The following CHM variants were observed in gnomAD, a reference collection of about 807,000 sequenced individuals.
CHM encodes CHM Rab escort protein.
Under a neutral mutation model 49.0 loss-of-function variants are expected in CHM, and 10 were observed. The ratio of observed to expected loss-of-function variants is 0.20; its 90% CI spans 0.13 to 0.35. The LOEUF (loss-of-function observed/expected upper bound fraction) is 0.35. CHM is among the 10% of genes least tolerant of loss of function. The pLI is 1.00. For missense variants in CHM, 455 were observed against 478.4 expected, an observed-to-expected ratio of 0.95 and a Z score of 0.46; for synonymous variants, 184 against 167.5, an observed-to-expected ratio of 1.10 and a Z score of -0.76.
In CHM at chrX:86,047,501, A is replaced by T. The variant is rs748322209; in HGVS notation, c.32T>A (p.Val11Glu). Residue 11 changes from valine to glutamate, a missense_variant, in exon 1 of 15, where the codon GTG becomes GAG. Physicochemically the swap from Val to Glu is moderately radical, Grantham distance 121 (BLOSUM62 -2). Coordinates refer to ENST00000357749, the MANE Select transcript of CHM (RefSeq NM_000390.4). ...ACACATACCCGTCCCTATTACGATC[A>T]CATCAAACTCCGAAGGGAGAGTATC... MADTLPSEFD[V>E]IVIGTGLPES... 8.3e-7 allele frequency: 1 copy of T among 1,207,136 alleles called. No homozygotes were observed. Among genetic ancestry groups the T allele is most frequent in the Non-Finnish European group, 1.1e-6 (1 of 893,279 alleles).
intron 1 of CHM, among the ~76,000 whole-genome samples, chrX:86,046,295 C>T (rs1934651330): frequency 8.9e-6 from 1 of 111,999 alleles, no homozygotes; most frequent in Non-Finnish European, 1.9e-5. Context: ...GGAAATTTAC[C>T]AGCTGTGTGA....
At chrX:85,985,444 G>A (rs1036776806) in intron 2 of CHM, among the ~76,000 whole-genome samples, 6 of 112,347 alleles carry the variant, frequency 5.3e-5, no homozygotes, top group Non-Finnish European at 7.5e-5. Flanking sequence ...GGAGGGGTGG[G>A]CCACCATCTT....
intron 4 of CHM, chrX:85,969,009 G>A: frequency 2.0e-6 from 1 of 492,634 alleles, no homozygotes; most frequent in South Asian, 1.0e-4. Flanking sequence ...TAAATTAGAA[G>A]TATTAGTGTT....
intron 9 of CHM, among the ~76,000 whole-genome samples, chrX:85,907,914 A>G (rs780170517): frequency 1.8e-5 from 2 of 111,928 alleles, no homozygotes; most frequent in South Asian, 7.6e-4. Context: ...TTTCTTATAG[A>G]GAACTTATAA....
At chrX:85,964,198 A>G (rs1271380456) in intron 4 of CHM, 146 bp from the exon 5 acceptor site, 1 of 530,008 alleles carries the variant, frequency 1.9e-6, no homozygotes, top group African/African-American at 2.4e-5. Flanking sequence ...AACAAAATTA[A>G]GATTTGAAAG....
chrX:86,042,230 C>A (rs962207351), intron 1 of CHM, among the ~76,000 whole-genome samples: 2 of 111,261 alleles, frequency 1.8e-5, no homozygotes, highest in African/African-American at 6.5e-5. Flanking sequence ...CTTAAGTGAC[C>A]TTTTCTGAAA....
At chrX:85,905,621 A>G (rs1603246216) in intron 9 of CHM, among the ~76,000 whole-genome samples, 1 of 111,735 alleles carries the variant, frequency 8.9e-6, no homozygotes, top group African/African-American at 3.3e-5. Flanking sequence ...AGGAAGTGAC[A>G]CATTTGTTGC....
At chrX:85,919,435 T>G (rs1205182475) in intron 8 of CHM, among the ~76,000 whole-genome samples, 2 of 111,648 alleles carry the variant, frequency 1.8e-5, no homozygotes, top group Non-Finnish European at 3.8e-5. Flanking sequence ...TGAAAATTAA[T>G]TTTATGAAGT....
intron 2 of CHM, among the ~76,000 whole-genome samples, chrX:85,995,527 T>C (rs1569242605): frequency 3.6e-5 from 4 of 111,789 alleles, no homozygotes; most frequent in African/African-American, 1.3e-4. Context: ...CAGCTTATCT[T>C]AGAGAAAAGA....
intron 8 of CHM, among the ~76,000 whole-genome samples, chrX:85,926,256 C>G (rs759804848): frequency 8.9e-6 from 1 of 111,860 alleles, no homozygotes; most frequent in Non-Finnish European, 1.9e-5. Context: ...TTATGCATGA[C>G]TAAACATTAT....
chrX:85,975,171 G>A (rs1931186214), intron 4 of CHM, among the ~76,000 whole-genome samples: 1 of 111,925 alleles, frequency 8.9e-6, no homozygotes, highest in Non-Finnish European at 1.9e-5. Context: ...GGAGAAATTG[G>A]ATTACTTACA....
chrX:85,941,567 A>G (rs1001716058), intron 8 of CHM, among the ~76,000 whole-genome samples: 1 of 111,572 alleles, frequency 9.0e-6, no homozygotes. Flanking sequence ...GGTTTTTTAA[A>G]ATTATCAATT....
At chrX:86,000,513 CAAAA>C (rs754600557) in intron 2 of CHM, among the ~76,000 whole-genome samples, 166 of 58,867 alleles carry the variant, frequency 2.8e-3, no homozygotes, top group Non-Finnish European at 4.3e-3. Context: ...GGAATATATT[CAAAA>C]AAAAAAAAAA....
At chrX:85,896,676 G>A (rs1026138814) in intron 11 of CHM, among the ~76,000 whole-genome samples, 7 of 107,918 alleles carry the variant, frequency 6.5e-5, no homozygotes, top group African/African-American at 2.4e-4. Flanking sequence ...ACTGTGGGCT[G>A]AGGGAAAAAT....
At chrX:85,907,798 T>TA (rs1481211008) in intron 9 of CHM, among the ~76,000 whole-genome samples, 4 of 112,111 alleles carry the variant, frequency 3.6e-5, no homozygotes, top group Non-Finnish European at 5.6e-5. Flanking sequence ...AAAAGGGTTA[T>TA]AGCCAGTCTT....
intron 8 of CHM, among the ~76,000 whole-genome samples, chrX:85,933,240 A>G (rs1928541911): frequency 9.0e-6 from 1 of 111,344 alleles, no homozygotes; most frequent in South Asian, 3.8e-4. Context: ...AAATAAATAA[A>G]TAAGAAAAAA....
intron 4 of CHM, among the ~76,000 whole-genome samples, chrX:85,975,414 G>C: frequency 9.0e-6 from 1 of 111,507 alleles, no homozygotes; most frequent in Non-Finnish European, 1.9e-5. Context: ...TTTCTCAATG[G>C]GTGAATGATT....
intron 8 of CHM, among the ~76,000 whole-genome samples, chrX:85,939,081 G>T (rs1928955684): frequency 8.9e-6 from 1 of 111,833 alleles, no homozygotes; most frequent in Non-Finnish European, 1.9e-5. Flanking sequence ...GCAGTCACAC[G>T]CTGTACAGGT....
At chrX:85,982,453 A>G (rs1424243740) in intron 2 of CHM, among the ~76,000 whole-genome samples, 1 of 112,486 alleles carries the variant, frequency 8.9e-6, no homozygotes, top group Non-Finnish European at 1.9e-5. Flanking sequence ...CAAAACTATC[A>G]CTAATAACCG....
Sources: allele counts gnomAD v4.1 joint callset (sites outside exome capture counted in the v4.1 genomes callset), GRCh38; gene constraint gnomAD v4.1.1; transcripts MANE v1.5; gene names NCBI Gene and HGNC (gene_info 2026-07-23, HGNC 2026-07-21).